SCN11A: variants seen among roughly 807,000 people sequenced by gnomAD.
The protein encoded by SCN11A is sodium voltage-gated channel alpha subunit 11, also known as sodium channel protein type 11 subunit alpha.
A neutral mutation model predicts 162.2 loss-of-function variants in SCN11A; 122 were observed. The observed-to-expected ratio is 0.75, with a 90% CI of 0.65 to 0.87. SCN11A has a LOEUF of 0.87. SCN11A is among the 40% of genes least tolerant of loss of function. SCN11A has a pLI of 0.00. For missense variants in SCN11A, 2,015 were observed against 2,181.6 expected (o/e 0.92, Z 1.52); for synonymous variants, 758 against 751.5 (o/e 1.01, Z -0.14).
chr3:38,904,291 A>C (rs2065755540), intron 15 of SCN11A, among the ~76,000 whole-genome samples, 188 bp from the exon 16 acceptor site: 1 of 152,212 alleles, frequency 6.6e-6, no homozygotes, highest in Non-Finnish European at 1.5e-5. Flanking sequence ...AATGTTCCAC[A>C]TACAACTAGC....
intron 2 of SCN11A, among the ~76,000 whole-genome samples, chr3:39,022,546 A>G (rs2031477989): frequency 6.6e-6 from 1 of 152,200 alleles, no homozygotes; most frequent in Non-Finnish European, 1.5e-5. Flanking sequence ...AGACACATCA[A>G]CCAATCAAAA....
intron 2 of SCN11A, among the ~76,000 whole-genome samples, chr3:38,997,844 TG>T (rs1461897262): frequency 6.6e-6 from 1 of 152,264 alleles, no homozygotes; most frequent in East Asian, 1.9e-4. Flanking sequence ...ACATAATACC[TG>T]TAAGTATTTA....
At chr3:38,901,660 G>A (rs2065701896) in intron 16 of SCN11A, among the ~76,000 whole-genome samples, 1 of 152,184 alleles carries the variant, frequency 6.6e-6, no homozygotes, top group Non-Finnish European at 1.5e-5. Flanking sequence ...CATCAGAGGA[G>A]GGAAGTTTTG....
intron 1 of SCN11A, among the ~76,000 whole-genome samples, chr3:39,047,357 A>C (rs2032210390): frequency 6.6e-6 from 1 of 152,062 alleles, no homozygotes; most frequent in Non-Finnish European, 1.5e-5. Context: ...CCTACGTCTC[A>C]CCCTATACAA....
At chr3:39,040,875 G>A (rs1054993144) in intron 1 of SCN11A, among the ~76,000 whole-genome samples, 5 of 151,860 alleles carry the variant, frequency 3.3e-5, no homozygotes, top group African/African-American at 1.2e-4. Context: ...TCAGGAGATC[G>A]AGACCATCCT....
intron 29 of SCN11A, chr3:38,849,256 C>CTTTTTT (rs1559484396): frequency 1.4e-5 from 1 of 72,936 alleles, no homozygotes; most frequent in African/African-American, 8.2e-5. Flanking sequence ...ATTTTCTAGC[C>CTTTTTT]CTTTTTTTTT....
intron 13 of SCN11A, 81 bp downstream of exon 13, chr3:38,908,916 C>CT (rs2065843799): frequency 8.0e-7 from 1 of 1,246,032 alleles, no homozygotes; most frequent in Admixed American, 1.7e-5. Context: ...GGGTGGCAGC[C>CT]TTGAGTCTCA....
At chr3:38,920,946 C>G in intron 10 of SCN11A, 130 bp downstream of exon 10, 1 of 836,130 alleles carries the variant, frequency 1.2e-6, no homozygotes, top group Non-Finnish European at 2.0e-6. Context: ...CACAGGAGCA[C>G]CCTGGATGGA....
intron 9 of SCN11A, among the ~76,000 whole-genome samples, chr3:38,924,286 C>G (rs1575297625): frequency 6.6e-6 from 1 of 151,996 alleles, no homozygotes; most frequent in East Asian, 1.9e-4. Context: ...CTCACTGCAG[C>G]CTGCAGCCTC....
At chr3:38,900,106 A>G in intron 16 of SCN11A, 33 bp from the exon 17 acceptor site, 1 of 1,568,406 alleles carries the variant, frequency 6.4e-7, no homozygotes, top group Non-Finnish European at 8.8e-7. Context: ...GAGAGAAGGA[A>G]GCTGCGGAGA....
In SCN11A at chr3:38,910,157, T is replaced by C. The variant is rs1209775409; in HGVS notation, c.1010A>G (p.Tyr337Cys). 6 of 1,613,480 alleles carry C rather than the reference T, an allele frequency of 3.7e-6. No individual in the cohort carries two copies. In the African/African-American group the frequency reaches 4.0e-5, roughly 11 times the overall value. Residue 337 changes from tyrosine (Y) to cysteine (C), a missense_variant, in exon 12 of 30, where the codon TAT (tyrosine) becomes TGT (cysteine). By Grantham distance (194) the Tyr-to-Cys change is radical (BLOSUM62 -2). Transcript: ENST00000302328. Reference protein sequence around the residue: ...ECKHTKINPDYNYTNFDNFGW... With the variant: ...ECKHTKINPDCNYTNFDNFGW... ...AAAGTTGTCAAAATTCGTATAATTATAGTCAGGATTAATTTTGGTGTGCTT... is the reference window on the plus strand; with the variant it reads ...AAAGTTGTCAAAATTCGTATAATTACAGTCAGGATTAATTTTGGTGTGCTT...
chr3:38,872,726 C>T (rs2065149745), intron 23 of SCN11A, among the ~76,000 whole-genome samples: 1 of 152,068 alleles, frequency 6.6e-6, no homozygotes, highest in Non-Finnish European at 1.5e-5. Context: ...TCATGTGAGA[C>T]ATTGTCCTTG....
At position 38,847,371 on chromosome 3, in the gene SCN11A, A is replaced by G. The variant is rs201595463; in HGVS notation, c.4699T>C (p.Cys1567Arg). The change falls in exon 30 of 30, where the codon TGT becomes CGT. Residue 1567 changes from cysteine to arginine, a missense_variant. Transcript: ENST00000302328. ...LSPMLRSKES[C>R]NSSSENCHLP... Reference sequence around the variant, plus strand: ...TGGCAGTTTTCTGAGGAAGAGTTACATGATTCTTTTGATCGCAGCATGGGG... The same window carrying G: ...TGGCAGTTTTCTGAGGAAGAGTTACGTGATTCTTTTGATCGCAGCATGGGG... 113 of 1,614,080 alleles carry G rather than the reference A, an allele frequency of 7.0e-5. No individual in the cohort carries two copies. In the East Asian group the frequency reaches 2.4e-3, roughly 34 times the overall value.
chr3:38,849,018 T>C (rs1362212487), intron 29 of SCN11A, among the ~76,000 whole-genome samples: 2 of 152,194 alleles, frequency 1.3e-5, no homozygotes, highest in East Asian at 3.8e-4. Flanking sequence ...TGAGTATTAT[T>C]TGGCTTAATA....
intron 9 of SCN11A, among the ~76,000 whole-genome samples, chr3:38,924,737 G>A (rs1464850126): frequency 2.0e-5 from 3 of 151,922 alleles, no homozygotes; most frequent in Non-Finnish European, 4.4e-5. Context: ...TGAAACTCCT[G>A]GCCTCAAGTT....
chr3:38,853,637 C>T (rs2064819673), intron 28 of SCN11A, among the ~76,000 whole-genome samples: 1 of 152,114 alleles, frequency 6.6e-6, no homozygotes, highest in African/African-American at 2.4e-5. Flanking sequence ...ACATTTTATG[C>T]CAGGCCCTAT....
chr3:38,897,825 G>T (rs1056510120), intron 17 of SCN11A, among the ~76,000 whole-genome samples: 1 of 152,086 alleles, frequency 6.6e-6, no homozygotes, highest in Non-Finnish European at 1.5e-5. Context: ...TGAATATTTT[G>T]GAATTATATG....
chr3:38,874,377 A>G (rs996348442), intron 23 of SCN11A, among the ~76,000 whole-genome samples: 2 of 152,168 alleles, frequency 1.3e-5, no homozygotes, highest in Admixed American at 1.3e-4. Flanking sequence ...GCAGGCAGAT[A>G]GCTTGAGCTC....
At chr3:38,971,067 G>C (rs1048664021) in intron 2 of SCN11A, among the ~76,000 whole-genome samples, 1 of 152,096 alleles carries the variant, frequency 6.6e-6, no homozygotes, top group Admixed American at 6.5e-5. Flanking sequence ...ATCCAGAGAC[G>C]TAAGTGTCTG....
Sources: gnomAD v4.1 joint callset for allele counts (sites outside exome capture counted in the v4.1 genomes callset) on GRCh38, gnomAD v4.1.1 for gene constraint, MANE v1.5 for transcripts, NCBI Gene and HGNC (gene_info 2026-07-23, HGNC 2026-07-21) for gene names.